Variants in SCAI observed in about 807,000 individuals in gnomAD.
SCAI encodes suppressor of cancer cell invasion.
In SCAI, 24 loss-of-function variants were observed where a neutral mutation model predicts 92.2. That is an observed-to-expected ratio of 0.26 (90% CI 0.19 to 0.37). The LOEUF (loss-of-function observed/expected upper bound fraction) is 0.37, where lower values mean the gene tolerates loss of function less well. Ranked by LOEUF, SCAI falls within the 10% of genes least tolerant of loss-of-function variation. The pLI, the probability that SCAI is intolerant of heterozygous loss-of-function variation, is 1.00. For missense variants in SCAI, 450 were observed against 736.2 expected, an observed-to-expected ratio of 0.61 and a Z score of 4.50; for synonymous variants, 261 against 258.6, an observed-to-expected ratio of 1.01 and a Z score of -0.09.
chr9:125,029,685 A>G lies in SCAI; in HGVS notation c.285T>C (p.Phe95=). The G allele has an allele frequency of 6.2e-7, 1 of 1,613,456 alleles. No homozygotes were observed. Among genetic ancestry groups the G allele is most frequent in the Non-Finnish European group, 8.5e-7 (1 of 1,179,614 alleles). ...KQWQSYFGRT[F]DVYTKLWKFQ... ...ACTTCCAGAGTTTGGTGTAAACATC[A>G]AAAGTTCTTCCAAAATAGGACTGCC... Residue 95 remains phenylalanine (F), a synonymous_variant, in exon 4 of 18, where the codon TTT becomes TTC. Transcript: ENST00000336505.
At chr9:124,974,790 A>G (rs1312629999) in intron 15 of SCAI, among the ~76,000 whole-genome samples, 1 of 152,242 alleles carries the variant, frequency 6.6e-6, no homozygotes, top group East Asian at 1.9e-4. Context: ...TAGTTACTAC[A>G]TACCCAGCAT....
At chr9:125,100,241 G>A (rs1013650349) in intron 2 of SCAI, among the ~76,000 whole-genome samples, 24 of 152,198 alleles carry the variant, frequency 1.6e-4, no homozygotes, top group African/African-American at 5.3e-4. Flanking sequence ...TATGTCAGAA[G>A]TGGCCCAGGT....
intron 14 of SCAI, among the ~76,000 whole-genome samples, chr9:124,984,045 G>A (rs1831939975): frequency 6.6e-6 from 1 of 152,192 alleles, no homozygotes; most frequent in African/African-American, 2.4e-5. Context: ...GAGGAGTACT[G>A]GGGAGGCATA....
chr9:125,062,712 AAAACAAAC>A (rs200438090), intron 2 of SCAI, among the ~76,000 whole-genome samples: 10 of 150,788 alleles, frequency 6.6e-5, no homozygotes, highest in Non-Finnish European at 7.4e-5. Context: ...CCAAAATTGC[AAAACAAAC>A]AAACAAACAA....
intron 7 of SCAI, among the ~76,000 whole-genome samples, chr9:125,020,286 T>G (rs913013861): frequency 6.6e-6 from 1 of 152,182 alleles, no homozygotes; most frequent in Non-Finnish European, 1.5e-5. Flanking sequence ...GCAGACACTC[T>G]AAAGTGGTGG....
At chr9:124,978,739 C>T (rs746938862) in intron 14 of SCAI, among the ~76,000 whole-genome samples, 1 of 151,966 alleles carries the variant, frequency 6.6e-6, no homozygotes, top group Non-Finnish European at 1.5e-5. Context: ...AATAACACAA[C>T]CAAATGACCA....
chr9:125,059,426 C>G (rs936115716), intron 2 of SCAI, among the ~76,000 whole-genome samples: 1 of 152,172 alleles, frequency 6.6e-6, no homozygotes, highest in Admixed American at 6.5e-5. Context: ...AAGGACTAGA[C>G]AGGAGTAAAT....
chr9:125,052,629 A>G (rs1290767129), intron 3 of SCAI, among the ~76,000 whole-genome samples: 2 of 152,196 alleles, frequency 1.3e-5, no homozygotes, highest in Non-Finnish European at 2.9e-5. Context: ...ATCTCAAAAA[A>G]AAGAAAGAAA....
At chr9:124,969,646 G>A (rs1489061015) in intron 17 of SCAI, among the ~76,000 whole-genome samples, 1 of 152,226 alleles carries the variant, frequency 6.6e-6, no homozygotes, top group African/African-American at 2.4e-5. Flanking sequence ...ACAAGTGTTG[G>A]AAAGGAAGGA....
intron 14 of SCAI, among the ~76,000 whole-genome samples, chr9:124,988,035 AACACACAC>A (rs144782993): frequency 2.0e-5 from 3 of 149,594 alleles, no homozygotes; most frequent in South Asian, 2.1e-4. Context: ...TGTATCTATA[AACACACAC>A]ACACACACAC....
intron 17 of SCAI, among the ~76,000 whole-genome samples, chr9:124,956,989 ATT>A (rs35575491): frequency 9.9e-5 from 14 of 141,194 alleles, no homozygotes; most frequent in African/African-American, 7.8e-5. Context: ...GGTCAACTGT[ATT>A]TTTTTTTTTT....
intron 9 of SCAI, among the ~76,000 whole-genome samples, chr9:125,010,247 C>T (rs971584710): frequency 8.5e-5 from 13 of 152,306 alleles, no homozygotes; most frequent in Admixed American, 2.0e-4. Context: ...ACTCGGGAAG[C>T]GCAAGGGGTC....
intron 7 of SCAI, 133 bp from the exon 8 acceptor site, chr9:125,019,338 A>T: frequency 3.6e-6 from 2 of 551,854 alleles, no homozygotes; most frequent in Non-Finnish European, 6.3e-6. Flanking sequence ...TCCTGATTAT[A>T]ACAAAAAACA....
At chr9:125,076,665 G>C (rs925242358) in intron 2 of SCAI, among the ~76,000 whole-genome samples, 1 of 152,090 alleles carries the variant, frequency 6.6e-6, no homozygotes, top group Non-Finnish European at 1.5e-5. Flanking sequence ...AAGAGTTTGA[G>C]ACCAGTCTGG....
chr9:124,996,220 T>TGG (rs899773048), intron 13 of SCAI, among the ~76,000 whole-genome samples: 1 of 12,844 alleles, frequency 7.8e-5, no homozygotes, highest in South Asian at 3.0e-3. Context: ...GGGGCGGGGG[T>TGG]GGGGGGGTGG....
intron 2 of SCAI, chr9:125,065,867 G>C (rs1442060137): frequency 1.0e-5 from 6 of 600,350 alleles, no homozygotes; most frequent in African/African-American, 1.9e-5. Flanking sequence ...ACTCACATTT[G>C]GTAAAATTTA....
At chr9:125,074,146 C>A (rs1265219291) in intron 2 of SCAI, among the ~76,000 whole-genome samples, 1 of 151,112 alleles carries the variant, frequency 6.6e-6, no homozygotes, top group African/African-American at 2.4e-5. Context: ...GTAGTCCCAG[C>A]TACTCAGGAG....
At chr9:125,141,670 C>T (rs1835669091) in intron 2 of SCAI, among the ~76,000 whole-genome samples, 1 of 152,180 alleles carries the variant, frequency 6.6e-6, no homozygotes, top group Non-Finnish European at 1.5e-5. Flanking sequence ...CTTTCAATTG[C>T]ATATTTATTA....
Position 124,952,469 on chromosome 9 carries a change from G to C in SCAI, c.*338C>G, listed in dbSNP as rs1009670043. The C allele has an allele frequency of 2.3e-5, 4 of 177,764 alleles. No individual in the cohort carries two copies. Among genetic ancestry groups the C allele is most frequent in the Non-Finnish European group, 4.7e-5 (4 of 85,464 alleles). 11.0% of individuals were successfully genotyped at this position (177,764 alleles called of 1,614,324 possible). ...ATTTAACTTAGGTCCAAGTATAAGAGTTGGATTTACCTCATTATACAAAAA... is the reference window on the plus strand; with the variant it reads ...ATTTAACTTAGGTCCAAGTATAAGACTTGGATTTACCTCATTATACAAAAA... On this transcript the variant is annotated 3_prime_UTR_variant, in exon 18 of 18. Coordinates refer to ENST00000336505, the MANE Select transcript of SCAI (RefSeq NM_001144877.3).
Sources: allele counts gnomAD v4.1 joint callset (sites outside exome capture counted in the v4.1 genomes callset), GRCh38; gene constraint gnomAD v4.1.1; transcripts MANE v1.5; gene names NCBI Gene and HGNC (gene_info 2026-07-23, HGNC 2026-07-21).